The following AURKA variants were observed in gnomAD, a reference collection of about 807,000 sequenced individuals.
The protein encoded by AURKA is aurora 2.
Under a neutral mutation model 40.9 loss-of-function variants are expected in AURKA, and 12 were observed. The observed-to-expected ratio is 0.29, with a 90% CI of 0.19 to 0.48. The LOEUF (loss-of-function observed/expected upper bound fraction) is 0.48. Ranked by LOEUF, AURKA falls within the 20% of genes least tolerant of loss-of-function variation. AURKA has a pLI of 0.99. For synonymous variants in AURKA, 170 were observed against 164.3 expected, an observed-to-expected ratio of 1.03 and a Z score of -0.26; for missense variants, 322 against 462.1, an observed-to-expected ratio of 0.70 and a Z score of 2.78.
chr20:56,376,412 C>CACAA (rs1208090822), intron 6 of AURKA, among the ~76,000 whole-genome samples: 2 of 152,102 alleles, frequency 1.3e-5, no homozygotes, highest in Non-Finnish European at 2.9e-5. Context: ...TTAGGAGAAG[C>CACAA]ACAAACATTT....
chr20:56,374,062 C>G (rs1270187783), intron 6 of AURKA, among the ~76,000 whole-genome samples: 1 of 151,182 alleles, frequency 6.6e-6, no homozygotes, highest in Non-Finnish European at 1.5e-5. Flanking sequence ...TCAACTGAAC[C>G]AATTTATAGT....
chr20:56,377,611 A>G (rs529654557), intron 6 of AURKA, among the ~76,000 whole-genome samples: 1 of 152,158 alleles, frequency 6.6e-6, no homozygotes, highest in East Asian at 1.9e-4. Flanking sequence ...ACATGGCGAA[A>G]CCCCATCTCT....
At chr20:56,374,016 TACACAC>T (rs11467339) in intron 6 of AURKA, among the ~76,000 whole-genome samples, 130 of 147,608 alleles carry the variant, frequency 8.8e-4, no homozygotes, top group Non-Finnish European at 1.3e-3. Flanking sequence ...TATAGGAGTC[TACACAC>T]ACACACACAC....
chr20:56,386,051 A>T (rs971641712), intron 3 of AURKA, among the ~76,000 whole-genome samples: 1 of 152,240 alleles, frequency 6.6e-6, no homozygotes, highest in African/African-American at 2.4e-5. Flanking sequence ...AACTCTTCCA[A>T]GAGGGTGAGA....
intron 3 of AURKA, among the ~76,000 whole-genome samples, chr20:56,385,501 G>A (rs1246979020): frequency 3.4e-5 from 5 of 145,140 alleles, no homozygotes; most frequent in African/African-American, 1.3e-4. Context: ...TGCTCTTGTT[G>A]CCCAGGCTAG....
At position 56,389,612 on chromosome 20, in the gene AURKA, AT is replaced by A. The variant is rs930082661; in HGVS notation, c.-5-1411del. 2.6e-4 allele frequency among the ~76,000 whole-genome samples: 40 copies of A among 151,900 alleles called. 1 individual carries two copies. Among genetic ancestry groups the A allele is most frequent in the Admixed American group, 2.4e-3 (36 of 15,260 alleles). On this transcript the variant is annotated intron_variant, in intron 1 of 8. Transcript: ENST00000395915. ...CCTCTCCCCTGAACTCTTGATCTACATTTTCTACTTTCTATGCAACATCTGC... is the reference window on the plus strand; with the variant it reads ...CCTCTCCCCTGAACTCTTGATCTACATTTCTACTTTCTATGCAACATCTGC...
Position 56,369,989 on chromosome 20 carries a change from G to A in AURKA, c.*169C>T, listed in dbSNP as rs1983887866. The A allele has an allele frequency of 1.3e-6, 1 of 785,948 alleles. No homozygotes were observed. The highest frequency in any genetic ancestry group is 2.0e-5 in the Admixed American group (1 of 50,422). 48.7% of individuals were successfully genotyped at this position (785,948 alleles called of 1,614,324 possible). On this transcript the variant is annotated 3_prime_UTR_variant, in exon 9 of 9. Transcript: ENST00000395915. ...TCAGAGTGTCATGTTTATTGATGTG[G>A]AGCTTTCTGAATAGGGAGGTTAAGG...
chr20:56,382,874 T>C, intron 5 of AURKA, 111 bp downstream of exon 5: 1 of 1,163,000 alleles, frequency 8.6e-7, no homozygotes, highest in Non-Finnish European at 1.3e-6. Context: ...TTGAAGGCAG[T>C]GCCTCGTAAG....
At position 56,386,193 on chromosome 20, in the gene AURKA, C is replaced by T. The variant is rs773907539; in HGVS notation, c.319+64G>A. 33 of 1,592,722 alleles carry T rather than the reference C, an allele frequency of 2.1e-5. No individual in the cohort carries two copies. In the Admixed American group the frequency reaches 2.3e-4, roughly 11 times the overall value. ...TCCAAACAATAAGTGCAAGTATATA[C>T]ACTGGCTTTTTTAGCAACGACGACA... On this transcript the variant is annotated intron_variant, in intron 3 of 8. Transcript: ENST00000395915.
Position 56,373,520 on chromosome 20 carries a change from G to A in AURKA, c.742C>T (p.His248Tyr). ...TCTCTATGAATAACTCTCTTCGAAT[G>A]ACAGTAAGACAGGGCATTTGCCAAT... ...TELANALSYC[H>Y]SKRVIHRDIK... Residue 248 changes from histidine (H) to tyrosine (Y), a missense_variant, in exon 7 of 9, where the codon CAT (histidine) becomes TAT (tyrosine). Transcript: ENST00000395915. The surrounding 1 kb of genome is among the most constrained non-coding windows in gnomAD (Gnocchi z 5.0). 2 of 1,614,220 alleles carry A rather than the reference G, an allele frequency of 1.2e-6. No homozygotes were observed. The highest frequency in any genetic ancestry group is 2.2e-5 in the East Asian group (1 of 44,884).
chr20:56,372,474 G>GT (rs1367952133), intron 7 of AURKA, among the ~76,000 whole-genome samples: 1 of 145,864 alleles, frequency 6.9e-6, no homozygotes, highest in Non-Finnish European at 1.5e-5. Context: ...CATGAAGCCT[G>GT]TAAGTCTTTA....
chr20:56,369,413 A>G lies in AURKA; in HGVS notation c.*745T>C, dbSNP rs953146920. 3.0e-5 allele frequency: 7 copies of G among 230,748 alleles called. No individual in the cohort carries two copies. The highest frequency in any genetic ancestry group is 5.5e-5 in the Admixed American group (1 of 18,032). 14.3% of individuals were successfully genotyped at this position (230,748 alleles called of 1,614,324 possible). The stretch of plus-strand genomic sequence containing the variant: ...CAGACATAGATACTTATTTATTTGC[A>G]TATTTAAAGTTTACACACATGCTAT... On this transcript the variant is annotated 3_prime_UTR_variant, in exon 9 of 9. Transcript: ENST00000395915.
intron 6 of AURKA, among the ~76,000 whole-genome samples, chr20:56,378,286 G>GC (rs1443827941): frequency 1.3e-5 from 2 of 152,134 alleles, no homozygotes; most frequent in African/African-American, 4.8e-5. Flanking sequence ...TTAACCAGCT[G>GC]CCCCACGGAA....
At chr20:56,380,359 A>AG (rs1014023635) in intron 6 of AURKA, among the ~76,000 whole-genome samples, 1 of 131,170 alleles carries the variant, frequency 7.6e-6, no homozygotes, top group African/African-American at 2.6e-5. Context: ...CGTCTCAAAA[A>AG]GAAAAAAAAA....
intron 7 of AURKA, among the ~76,000 whole-genome samples, chr20:56,371,332 T>G (rs113921973): frequency 0.016 from 2,232 of 140,756 alleles, 19 homozygotes; most frequent in South Asian, 0.043. Flanking sequence ...TGTGGTGGTG[T>G]GCGCCTGTAG....
intron 4 of AURKA, among the ~76,000 whole-genome samples, chr20:56,383,499 G>C (rs1985996292): frequency 6.6e-6 from 1 of 152,210 alleles, no homozygotes; most frequent in Admixed American, 6.5e-5. Context: ...CCACAAAAAG[G>C]ATAAGTGACC....
intron 1 of AURKA, among the ~76,000 whole-genome samples, chr20:56,389,722 T>C (rs1986816438): frequency 6.6e-6 from 1 of 152,186 alleles, no homozygotes; most frequent in Non-Finnish European, 1.5e-5. Context: ...TCCCCAAATC[T>C]AGTCTCTAGA....
At chr20:56,377,098 T>C in intron 6 of AURKA, among the ~76,000 whole-genome samples, 1 of 151,882 alleles carries the variant, frequency 6.6e-6, no homozygotes, top group East Asian at 1.9e-4. Context: ...AAAAACAACC[T>C]GGGCAACATG....
At position 56,370,149 on chromosome 20, in the gene AURKA, G is replaced by A. The variant is rs1051125021; in HGVS notation, c.*9C>T. On this transcript the variant is annotated 3_prime_UTR_variant, in exon 9 of 9. Coordinates refer to ENST00000395915, the MANE Select transcript of AURKA (RefSeq NM_198437.3). ...CCCTGGCTCAAGGATTTCTCCCCCT[G>A]CACGATTCCTAAGACTGTTTGCTAG... The A allele has an allele frequency of 3.1e-6, 5 of 1,612,200 alleles. No individual in the cohort carries two copies. The highest frequency in any genetic ancestry group is 4.2e-6 in the Non-Finnish European group (5 of 1,179,952).
Sources: gnomAD v4.1 joint callset for allele counts (sites outside exome capture counted in the v4.1 genomes callset) on GRCh38, gnomAD v4.1.1 for gene constraint, Gnocchi (gnomAD v3.1) non-coding constraint, MANE v1.5 for transcripts, NCBI Gene and HGNC (gene_info 2026-07-23, HGNC 2026-07-21) for gene names.